The following MSMB variants were observed in gnomAD, a reference collection of about 807,000 sequenced individuals.
MSMB encodes beta-microseminoprotein.
A neutral mutation model predicts 10.5 loss-of-function variants in MSMB; 10 were observed. The observed-to-expected ratio is 0.95, with a 90% CI of 0.59 to 1.62. The LOEUF (loss-of-function observed/expected upper bound fraction) is 1.62, where lower values mean the gene tolerates loss of function less well. Ranked by LOEUF, MSMB falls within the 40% of genes most tolerant of loss-of-function variation. The probability of loss-of-function intolerance (pLI) is 0.00; values close to 1 mark genes in which losing one functional copy is unlikely to be tolerated. For missense variants in MSMB, 126 were observed against 137.4 expected (o/e 0.92, Z 0.42); for synonymous variants, 43 against 46.5 (o/e 0.93, Z 0.30).
At chr10:46,043,635 T>C (rs1225236970) in intron 1 of MSMB, among the ~76,000 whole-genome samples, 1 of 152,132 alleles carries the variant, frequency 6.6e-6, no homozygotes, top group Non-Finnish European at 1.5e-5. Context: ...AATGTGCATA[T>C]AAATTCCTGG....
intron 1 of MSMB, among the ~76,000 whole-genome samples, chr10:46,045,983 T>A (rs916219240): frequency 2.0e-5 from 3 of 152,178 alleles, no homozygotes; most frequent in African/African-American, 7.2e-5. Context: ...GAAATCTAAT[T>A]GAACCCCAGA....
rs139710145 is a variant in MSMB at position 46,033,609 on chromosome 10, C to T, written c.216-58G>A. Reference sequence around the variant, plus strand: ...AGAGAAAGGACCCCGAGCACCCCCTCCCCAGTGCCAGCTCTGTTCAGGAAG... The same window carrying T: ...AGAGAAAGGACCCCGAGCACCCCCTTCCCAGTGCCAGCTCTGTTCAGGAAG... On this transcript the variant is annotated intron_variant, in intron 3 of 3. Coordinates refer to ENST00000582163, the MANE Select transcript of MSMB (RefSeq NM_002443.4). 5.4e-4 allele frequency: 872 copies of T among 1,600,352 alleles called. 2 individuals are homozygous for T. The East Asian group carries it at 9.6e-3, about 18-fold the overall frequency.
chr10:46,033,608 TC>T (rs1840518468), intron 3 of MSMB, 57 bp from the exon 4 acceptor site: 2 of 1,600,386 alleles, frequency 1.2e-6, no homozygotes, highest in Non-Finnish European at 1.7e-6. Context: ...GAGCACCCCC[TC>T]CCCAGTGCCA....
At chr10:46,042,197 T>C (rs1840770635) in intron 1 of MSMB, among the ~76,000 whole-genome samples, 1 of 152,086 alleles carries the variant, frequency 6.6e-6, no homozygotes, top group Non-Finnish European at 1.5e-5. Flanking sequence ...AGATATCAAA[T>C]TTTCAGAACA....
intron 3 of MSMB, among the ~76,000 whole-genome samples, chr10:46,035,051 G>C (rs1840570604): frequency 6.6e-6 from 1 of 152,152 alleles, no homozygotes; most frequent in East Asian, 1.9e-4. Context: ...GGGATTATGA[G>C]TAGGTATTTC....
intron 3 of MSMB, among the ~76,000 whole-genome samples, chr10:46,034,120 C>T (rs1840536154): frequency 6.6e-6 from 1 of 152,034 alleles, no homozygotes; most frequent in Non-Finnish European, 1.5e-5. Flanking sequence ...ACTATTATTA[C>T]TTTAATTTTT....
intron 2 of MSMB, among the ~76,000 whole-genome samples, 175 bp from the exon 3 acceptor site, chr10:46,039,246 T>C (rs1269185640): frequency 6.6e-6 from 1 of 152,248 alleles, no homozygotes; most frequent in Non-Finnish European, 1.5e-5. Flanking sequence ...ATTCCAGTAC[T>C]GTTCAGTTCA....
At chr10:46,037,890 G>A (rs555047009) in intron 3 of MSMB, among the ~76,000 whole-genome samples, 1 of 152,322 alleles carries the variant, frequency 6.6e-6, no homozygotes, top group African/African-American at 2.4e-5. Context: ...ACAGATGAAT[G>A]GAGATGCAAA....
chr10:46,033,593 A>C (rs782503080), intron 3 of MSMB, 42 bp from the exon 4 acceptor site: 18 of 1,605,796 alleles, frequency 1.1e-5, no homozygotes, highest in African/African-American at 5.4e-5. Context: ...AAGAGAAAGG[A>C]CCCCGAGCAC....
intron 1 of MSMB, among the ~76,000 whole-genome samples, chr10:46,045,048 G>T (rs1407420771): frequency 1.3e-5 from 2 of 152,042 alleles, no homozygotes; most frequent in African/African-American, 4.8e-5. Context: ...GGAGGCCCGG[G>T]GTCCCCTCCT....
chr10:46,039,864 A>T (rs1840701725), intron 2 of MSMB, 122 bp downstream of exon 2: 1 of 705,928 alleles, frequency 1.4e-6, no homozygotes, highest in Non-Finnish European at 2.3e-6. Context: ...CCTGGGAGAC[A>T]GAGCATGACT....
intron 1 of MSMB, among the ~76,000 whole-genome samples, chr10:46,043,891 T>C (rs868983474): frequency 5.3e-5 from 8 of 150,790 alleles, no homozygotes; most frequent in African/African-American, 2.0e-4. Context: ...GCCAGGCTGG[T>C]CTCAAATACC....
intron 3 of MSMB, among the ~76,000 whole-genome samples, chr10:46,034,882 T>C (rs1235371940): frequency 6.6e-6 from 1 of 151,750 alleles, no homozygotes; most frequent in Non-Finnish European, 1.5e-5. Context: ...GGCACATGCC[T>C]GTAATCCCAG....
intron 3 of MSMB, among the ~76,000 whole-genome samples, chr10:46,033,871 C>A (rs1229285849): frequency 6.6e-6 from 1 of 152,158 alleles, no homozygotes; most frequent in Non-Finnish European, 1.5e-5. Flanking sequence ...AAGTGGCCAG[C>A]ATATTGTTGC....
chr10:46,044,388 A>G (rs896552746), intron 1 of MSMB, among the ~76,000 whole-genome samples: 1 of 150,726 alleles, frequency 6.6e-6, no homozygotes, highest in East Asian at 2.0e-4. Flanking sequence ...CATCCTGGCT[A>G]ACATGGTGAA....
intron 1 of MSMB, among the ~76,000 whole-genome samples, chr10:46,040,903 G>A (rs149506709): frequency 2.0e-5 from 3 of 151,096 alleles, no homozygotes; most frequent in Admixed American, 6.6e-5. Context: ...GCAGTGAGCC[G>A]AGATCTGGCC....
At chr10:46,044,492 C>T (rs1276744948) in intron 1 of MSMB, among the ~76,000 whole-genome samples, 5 of 137,122 alleles carry the variant, frequency 3.6e-5, no homozygotes, top group African/African-American at 5.3e-5. Flanking sequence ...AGGAGAATGG[C>T]GTGAACCCGG....
rs182863899 is a variant in MSMB at position 46,041,168 on chromosome 10, A to G, written c.4-1077T>C. ...AAACCACCCTGGGCAACATGATGAA[A>G]CCCATTCTCTACTAAAATACCAAAA... On this transcript the variant is annotated intron_variant, in intron 1 of 3. Transcript: ENST00000582163. Among the ~76,000 whole-genome samples, 333 of 152,048 alleles carry G rather than the reference A, an allele frequency of 2.2e-3. 2 individuals carry two copies. Among genetic ancestry groups the G allele is most frequent in the African/African-American group, 7.6e-3 (315 of 41,480 alleles).
chr10:46,044,804 T>A (rs1840854278), intron 1 of MSMB, among the ~76,000 whole-genome samples: 1 of 150,968 alleles, frequency 6.6e-6, no homozygotes, highest in East Asian at 2.0e-4. Flanking sequence ...ATAACAATAA[T>A]AAAATAAATA....
Sources: gnomAD v4.1 joint callset for allele counts (sites outside exome capture counted in the v4.1 genomes callset) on GRCh38, gnomAD v4.1.1 for gene constraint, MANE v1.5 for transcripts, NCBI Gene and HGNC (gene_info 2026-07-23, HGNC 2026-07-21) for gene names.